The following XPR1 variants were observed in gnomAD, a reference collection of about 807,000 sequenced individuals.
XPR1 encodes the protein solute carrier family 53 member 1.
XPR1 carries 28 observed loss-of-function variants against 87.5 expected under a neutral mutation model. The ratio of observed to expected loss-of-function variants is 0.32; its 90% CI spans 0.24 to 0.44. The LOEUF (loss-of-function observed/expected upper bound fraction) is 0.44. Among genes scored for constraint, XPR1 ranks in the 20% least tolerant of loss-of-function variants. The probability of loss-of-function intolerance (pLI) is 1.00; values close to 1 mark genes in which losing one functional copy is unlikely to be tolerated. For missense variants in XPR1, 559 were observed against 862.3 expected (o/e 0.65, Z 4.41); for synonymous variants, 300 against 306.1 (o/e 0.98, Z 0.21).
chr1:180,674,315 G>A (rs533445027), intron 1 of XPR1, among the ~76,000 whole-genome samples: 3 of 152,324 alleles, frequency 2.0e-5, no homozygotes, highest in African/African-American at 7.2e-5. Flanking sequence ...CTGGAGTGCA[G>A]TGGCACGATC....
chr1:180,739,899 A>G (rs1042494503), intron 2 of XPR1, among the ~76,000 whole-genome samples: 3 of 151,994 alleles, frequency 2.0e-5, no homozygotes, highest in African/African-American at 7.3e-5. Flanking sequence ...TTTGATGGAG[A>G]TGGGGTTTCA....
At chr1:180,710,897 G>GC (rs1471619453) in intron 2 of XPR1, among the ~76,000 whole-genome samples, 7 of 151,966 alleles carry the variant, frequency 4.6e-5, no homozygotes, top group South Asian at 2.1e-4. Context: ...TCCCAGACGG[G>GC]GCGGCTGCCG....
intron 2 of XPR1, among the ~76,000 whole-genome samples, chr1:180,750,010 A>G (rs1011439453): frequency 6.6e-6 from 1 of 152,206 alleles, no homozygotes; most frequent in African/African-American, 2.4e-5. Context: ...TCAAAGAGGG[A>G]TAGTAGAACC....
chr1:180,807,693 T>C (rs921629091), intron 6 of XPR1, among the ~76,000 whole-genome samples: 1 of 152,122 alleles, frequency 6.6e-6, no homozygotes, highest in Non-Finnish European at 1.5e-5. Flanking sequence ...CTTTGTAAAA[T>C]TGATAAGCAG....
At chr1:180,654,811 T>TCATGTTTA (rs1333256170) in intron 1 of XPR1, among the ~76,000 whole-genome samples, 1 of 152,200 alleles carries the variant, frequency 6.6e-6, no homozygotes, top group African/African-American at 2.4e-5. Flanking sequence ...TGGGTTGCCT[T>TCATGTTTA]CATGTTTAGC....
At chr1:180,701,710 A>T (rs945560802) in intron 2 of XPR1, among the ~76,000 whole-genome samples, 1 of 139,526 alleles carries the variant, frequency 7.2e-6, no homozygotes, top group East Asian at 2.0e-4. Context: ...CGGCTTTGGT[A>T]TCAGAATGAT....
chr1:180,827,821 T>C lies in XPR1; in HGVS notation c.1134+2477T>C, dbSNP rs1650904706. Among the ~76,000 whole-genome samples the C allele has an allele frequency of 2.0e-5, 3 of 152,082 alleles. No individual in the cohort carries two copies. The East Asian group carries it at 5.8e-4, about 29-fold the overall frequency. On this transcript the variant is annotated intron_variant, in intron 9 of 14. Coordinates refer to ENST00000367590, the MANE Select transcript of XPR1 (RefSeq NM_004736.4). Reference sequence around the variant, plus strand: ...GTTCACTCTAGTTATGTTTTTCTGATACCGCTTTTTAAAAGCTTCATCCTA... The same window carrying C: ...GTTCACTCTAGTTATGTTTTTCTGACACCGCTTTTTAAAAGCTTCATCCTA...
chr1:180,706,110 A>G (rs1481727251), intron 2 of XPR1, among the ~76,000 whole-genome samples: 1 of 152,262 alleles, frequency 6.6e-6, no homozygotes, highest in Non-Finnish European at 1.5e-5. Flanking sequence ...AGCTGTATGG[A>G]TAAAGCCAGC....
At chr1:180,842,794 G>A (rs1651561077) in intron 11 of XPR1, among the ~76,000 whole-genome samples, 1 of 152,140 alleles carries the variant, frequency 6.6e-6, no homozygotes, top group Non-Finnish European at 1.5e-5. Context: ...TTCATTTACA[G>A]TTTCTAACAT....
At chr1:180,753,535 C>G (rs1647613324) in intron 2 of XPR1, among the ~76,000 whole-genome samples, 1 of 147,582 alleles carries the variant, frequency 6.8e-6, no homozygotes, top group Non-Finnish European at 1.5e-5. Flanking sequence ...GCTTGGGCAA[C>G]AGAGTCAGAC....
In XPR1 at chr1:180,682,964, A is replaced by T. The variant is rs568513734; in HGVS notation, c.121+553A>T. 4.2e-3 allele frequency among the ~76,000 whole-genome samples: 635 copies of T among 151,672 alleles called. 2 individuals are homozygous for T. The highest frequency in any genetic ancestry group is 7.7e-3 in the Non-Finnish European group (524 of 67,880). ...CTTCTCAGGCTGGATATTCTTTTTTATTTTATTTTATTTTATTATTACTAT... is the reference window on the plus strand; with the variant it reads ...CTTCTCAGGCTGGATATTCTTTTTTTTTTTATTTTATTTTATTATTACTAT... On this transcript the variant is annotated intron_variant, in intron 2 of 14. Transcript: ENST00000367590.
intron 1 of XPR1, among the ~76,000 whole-genome samples, chr1:180,649,559 T>C (rs1655228558): frequency 6.6e-6 from 1 of 152,240 alleles, no homozygotes; most frequent in Admixed American, 6.5e-5. Context: ...GATTCATGTG[T>C]CATTGTTTAA....
chr1:180,861,246 A>G (rs756885605), intron 11 of XPR1, among the ~76,000 whole-genome samples: 9 of 151,956 alleles, frequency 5.9e-5, no homozygotes, highest in Admixed American at 2.6e-4. Context: ...CCTTACATTC[A>G]GTTTTTTTAA....
At chr1:180,674,963 G>A (rs1656316923) in intron 1 of XPR1, among the ~76,000 whole-genome samples, 1 of 152,140 alleles carries the variant, frequency 6.6e-6, no homozygotes, top group African/African-American at 2.4e-5. Context: ...AATGTTGGTT[G>A]AATATTATTG....
chr1:180,697,706 A>C (rs1436640097), intron 2 of XPR1, among the ~76,000 whole-genome samples: 1 of 152,090 alleles, frequency 6.6e-6, no homozygotes, highest in Non-Finnish European at 1.5e-5. Context: ...GTATTGACCC[A>C]GTGGTCATTG....
At chr1:180,633,331 C>T (rs1654658428) in intron 1 of XPR1, among the ~76,000 whole-genome samples, 1 of 152,186 alleles carries the variant, frequency 6.6e-6, no homozygotes, top group African/African-American at 2.4e-5. Context: ...TCTGTAACCT[C>T]CAGGAATTCA....
At chr1:180,707,719 G>A (rs1305504580) in intron 2 of XPR1, among the ~76,000 whole-genome samples, 1 of 152,164 alleles carries the variant, frequency 6.6e-6, no homozygotes, top group Non-Finnish European at 1.5e-5. Flanking sequence ...AAACACCTTG[G>A]TAGAAGAGAA....
In XPR1 at chr1:180,886,692, G is replaced by A. The variant is rs1644941061; in HGVS notation, c.*2626G>A. ...TATGTTCCTCTTAAAGCTGTAAAGA[G>A]AAAAGAGGACTTTTCCTCATCAAGA... On this transcript the variant is annotated 3_prime_UTR_variant, in exon 15 of 15. Coordinates refer to ENST00000367590, the MANE Select transcript of XPR1 (RefSeq NM_004736.4). 6.6e-6 allele frequency: 1 copy of A among 152,182 alleles called. No homozygotes were observed. Among genetic ancestry groups the A allele is most frequent in the Admixed American group, 6.5e-5 (1 of 15,278 alleles). 9.4% of individuals were successfully genotyped at this position (152,182 alleles called of 1,614,324 possible).
chr1:180,819,008 G>A lies in XPR1; in HGVS notation c.764-5745G>A, dbSNP rs182638861. ...TCTGTTGCCCAGGCTGGAGTACAGT[G>A]GCCCCATCCTAGCTCACTACAGCCT... On this transcript the variant is annotated intron_variant, in intron 7 of 14. Transcript: ENST00000367590. 2.7e-3 allele frequency among the ~76,000 whole-genome samples: 417 copies of A among 152,206 alleles called. 1 individual carries two copies. Among genetic ancestry groups the A allele is most frequent in the Non-Finnish European group, 4.5e-3 (305 of 67,990 alleles).
Sources: allele counts gnomAD v4.1 joint callset (sites outside exome capture counted in the v4.1 genomes callset), GRCh38; gene constraint gnomAD v4.1.1; transcripts MANE v1.5; gene names NCBI Gene and HGNC (gene_info 2026-07-23, HGNC 2026-07-21).